The following CRB1 variants were observed in gnomAD, a reference collection of about 807,000 sequenced individuals.
CRB1 encodes protein crumbs homolog 1.
A neutral mutation model predicts 120.0 loss-of-function variants in CRB1; 83 were observed. That is an observed-to-expected ratio of 0.69 (90% CI 0.58 to 0.83). The LOEUF (loss-of-function observed/expected upper bound fraction) is 0.83, where lower values mean the gene tolerates loss of function less well. Ranked by LOEUF, CRB1 falls within the 40% of genes least tolerant of loss-of-function variation. The probability of loss-of-function intolerance (pLI) is 0.00; values close to 1 mark genes in which losing one functional copy is unlikely to be tolerated. For missense variants in CRB1, 1,699 were observed against 1,687.6 expected, an observed-to-expected ratio of 1.01 and a Z score of -0.12; for synonymous variants, 625 against 612.5, an observed-to-expected ratio of 1.02 and a Z score of -0.30.
At chr1:197,447,186 T>C (rs1380909450) in intron 11 of CRB1, among the ~76,000 whole-genome samples, 3 of 152,176 alleles carry the variant, frequency 2.0e-5, no homozygotes, top group African/African-American at 7.2e-5. Context: ...TCATCTGAGC[T>C]GAACCAGGGA....
intron 4 of CRB1, among the ~76,000 whole-genome samples, chr1:197,351,364 C>CAAAAA (rs35672792): frequency 4.7e-5 from 4 of 86,014 alleles, no homozygotes; most frequent in African/African-American, 1.5e-4. Context: ...TGAGACTTGG[C>CAAAAA]AAAAAAAAAA....
chr1:197,327,902 TAAAAAGA>T (rs948823581), intron 1 of CRB1, among the ~76,000 whole-genome samples: 6 of 151,914 alleles, frequency 3.9e-5, no homozygotes, highest in Non-Finnish European at 5.9e-5. Flanking sequence ...CTGCTGCTCT[TAAAAAGA>T]AAAAAGAAAG....
At chr1:197,419,999 AC>A (rs1664215152) in intron 5 of CRB1, among the ~76,000 whole-genome samples, 6 of 74,118 alleles carry the variant, frequency 8.1e-5, no homozygotes, top group Non-Finnish European at 2.1e-4. Context: ...AAAAAAAAAA[AC>A]AAACAAAAAA....
At chr1:197,288,725 G>A (rs73069833) in intron 1 of CRB1, among the ~76,000 whole-genome samples, 25,533 of 151,666 alleles carry the variant, frequency 0.17, 2,376 homozygotes, top group Middle Eastern at 0.25. Flanking sequence ...CAAATTAGAC[G>A]TTGAAGGGAA....
chr1:197,371,717 G>C (rs1353815403), intron 5 of CRB1, among the ~76,000 whole-genome samples: 3 of 152,140 alleles, frequency 2.0e-5, no homozygotes, highest in Admixed American at 6.6e-5. Flanking sequence ...CACAGGGTTG[G>C]TACTACATGG....
chr1:197,358,800 G>T (rs899946073), intron 5 of CRB1, among the ~76,000 whole-genome samples: 1 of 151,300 alleles, frequency 6.6e-6, no homozygotes, highest in Non-Finnish European at 1.5e-5. Flanking sequence ...ACATATTACT[G>T]GTCAAATGTA....
chr1:197,357,278 C>T (rs1240406914), intron 5 of CRB1: 2 of 516,804 alleles, frequency 3.9e-6, no homozygotes, highest in Non-Finnish European at 7.0e-6. Context: ...GAGTGCATCT[C>T]AAGTTCTTTA....
intron 11 of CRB1, among the ~76,000 whole-genome samples, chr1:197,448,979 A>T (rs1446009166): frequency 6.6e-6 from 1 of 152,226 alleles, no homozygotes; most frequent in Non-Finnish European, 1.5e-5. Flanking sequence ...TTTAATGAGG[A>T]TAAATGCATA....
chr1:197,221,075 C>T, the CRB1 span, among the ~76,000 whole-genome samples: 20 of 152,010 alleles, frequency 1.3e-4, no homozygotes, highest in Admixed American at 8.5e-4. Context: ...TCACAGACTA[C>T]GATACTTGTG....
At chr1:197,319,044 T>C (rs1211734777) in intron 1 of CRB1, among the ~76,000 whole-genome samples, 1 of 151,812 alleles carries the variant, frequency 6.6e-6, no homozygotes, top group East Asian at 1.9e-4. Context: ...GAGACTATAA[T>C]AGGACCTGAT....
chr1:197,393,197 G>A (rs184865003), intron 5 of CRB1, among the ~76,000 whole-genome samples: 1 of 152,158 alleles, frequency 6.6e-6, no homozygotes, highest in African/African-American at 2.4e-5. Flanking sequence ...AATGAATGCA[G>A]GACCAAAAAG....
chr1:197,331,433 T>C (rs1290972498), intron 2 of CRB1, among the ~76,000 whole-genome samples: 2 of 152,222 alleles, frequency 1.3e-5, no homozygotes, highest in African/African-American at 2.4e-5. Flanking sequence ...CTAAAAGTTA[T>C]AGGAAATATT....
At chr1:197,469,358 C>A (rs1666883963) in intron 11 of CRB1, among the ~76,000 whole-genome samples, 1 of 152,006 alleles carries the variant, frequency 6.6e-6, no homozygotes, top group Non-Finnish European at 1.5e-5. Context: ...GATGTAGATT[C>A]TGGAGGAAAT....
At chr1:197,385,840 G>T (rs1314304199) in intron 5 of CRB1, among the ~76,000 whole-genome samples, 1 of 151,874 alleles carries the variant, frequency 6.6e-6, no homozygotes, top group African/African-American at 2.4e-5. Context: ...ACCCAAAAAT[G>T]ATAGAGAACA....
chr1:197,255,190 A>C, the CRB1 span, among the ~76,000 whole-genome samples: 3 of 152,042 alleles, frequency 2.0e-5, no homozygotes, highest in African/African-American at 7.2e-5. Flanking sequence ...ACTGCAAATC[A>C]AGGTGCACTG....
At chr1:197,375,426 T>C (rs1016366450) in intron 5 of CRB1, among the ~76,000 whole-genome samples, 12 of 152,188 alleles carry the variant, frequency 7.9e-5, no homozygotes, top group Non-Finnish European at 1.5e-4. Context: ...ATCTGTTTTT[T>C]GTCCCAACTT....
intron 5 of CRB1, among the ~76,000 whole-genome samples, chr1:197,415,967 C>G (rs978923164): frequency 6.6e-6 from 1 of 152,074 alleles, no homozygotes; most frequent in South Asian, 2.1e-4. Context: ...TCAACTTGAC[C>G]TATATTTGAA....
chr1:197,309,509 C>A (rs1300251380), intron 1 of CRB1, among the ~76,000 whole-genome samples: 1 of 152,246 alleles, frequency 6.6e-6, no homozygotes, highest in Non-Finnish European at 1.5e-5. Context: ...AATCCCAGCA[C>A]TTTGGGAGGC....
chr1:197,347,522 T>C lies in CRB1; in HGVS notation c.988+43T>C, dbSNP rs989411135. 5 of 1,593,596 alleles carry C rather than the reference T, an allele frequency of 3.1e-6. No individual in the cohort carries two copies. In the African/African-American group the frequency reaches 4.0e-5, roughly 13 times the overall value. On this transcript the variant is annotated intron_variant, in intron 4 of 11. Transcript: ENST00000367400. The stretch of plus-strand genomic sequence containing the variant: ...TTCCACCAATTATTTTTCATTTGTT[T>C]AGAATACACATATCGCTTATAGCAA...
Sources: allele counts gnomAD v4.1 joint callset (sites outside exome capture counted in the v4.1 genomes callset), GRCh38; gene constraint gnomAD v4.1.1; transcripts MANE v1.5; gene names NCBI Gene and HGNC (gene_info 2026-07-23, HGNC 2026-07-21).